The following BMPR2 variants were observed in gnomAD, a reference collection of about 807,000 sequenced individuals.
BMPR2 encodes bone morphogenetic protein receptor type-2.
Under a neutral mutation model 100.8 loss-of-function variants are expected in BMPR2, and 29 were observed. The ratio of observed to expected loss-of-function variants is 0.29; its 90% CI spans 0.21 to 0.39. The LOEUF is 0.39. Among genes scored for constraint, BMPR2 ranks in the 10% least tolerant of loss-of-function variants. The pLI, the probability that BMPR2 is intolerant of heterozygous loss-of-function variation, is 1.00. For synonymous variants in BMPR2, 382 were observed against 442.3 expected, an observed-to-expected ratio of 0.86 and a Z score of 1.71; for missense variants, 1,011 against 1,274.5, an observed-to-expected ratio of 0.79 and a Z score of 3.15.
chr2:202,514,837 T>C (rs1687684335), intron 4 of BMPR2, 51 bp from the exon 5 acceptor site: 2 of 1,390,608 alleles, frequency 1.4e-6, no homozygotes, highest in South Asian at 2.3e-5. Context: ...TGTAAAAAGA[T>C]ATTCATTTTA....
intron 1 of BMPR2, among the ~76,000 whole-genome samples, chr2:202,437,819 A>G (rs1355596759): frequency 6.6e-6 from 1 of 150,724 alleles, no homozygotes; most frequent in African/African-American, 2.5e-5. Flanking sequence ...TTATTGCCCA[A>G]TAACATTCTA....
At chr2:202,447,950 A>G (rs1371793051) in intron 1 of BMPR2, among the ~76,000 whole-genome samples, 2 of 150,292 alleles carry the variant, frequency 1.3e-5, no homozygotes, top group East Asian at 3.9e-4. Flanking sequence ...CCATTGCAAC[A>G]TGGGTTGAAA....
chr2:202,449,886 G>A (rs1340997637), intron 1 of BMPR2, among the ~76,000 whole-genome samples: 4 of 152,002 alleles, frequency 2.6e-5, no homozygotes, highest in Admixed American at 6.6e-5. Context: ...TGGGTGGATT[G>A]CCTGAGGTCA....
chr2:202,528,595 G>A (rs543874921), intron 7 of BMPR2, among the ~76,000 whole-genome samples: 12 of 152,238 alleles, frequency 7.9e-5, no homozygotes, highest in Admixed American at 2.6e-4. Context: ...GAACATCATA[G>A]CTTAGCCTAA....
chr2:202,482,692 C>T (rs147932210), intron 3 of BMPR2, among the ~76,000 whole-genome samples: 1 of 152,240 alleles, frequency 6.6e-6, no homozygotes, highest in East Asian at 1.9e-4. Context: ...GCACCCGCCA[C>T]TATGTCCAGC....
At chr2:202,487,481 CA>C (rs1398095189) in intron 3 of BMPR2, among the ~76,000 whole-genome samples, 1 of 152,126 alleles carries the variant, frequency 6.6e-6, no homozygotes, top group East Asian at 1.9e-4. Flanking sequence ...ACTTGAATTA[CA>C]GTTAAAAAAT....
intron 1 of BMPR2, among the ~76,000 whole-genome samples, chr2:202,387,732 A>G (rs1690458720): frequency 6.6e-6 from 1 of 152,254 alleles, no homozygotes; most frequent in African/African-American, 2.4e-5. Context: ...CAGTTAGATT[A>G]GAAGAGTGAT....
chr2:202,467,471 TTTTC>T, intron 2 of BMPR2, 44 bp from the exon 3 acceptor site: 1 of 1,489,416 alleles, frequency 6.7e-7, no homozygotes, highest in Non-Finnish European at 9.4e-7. Context: ...TTTCTCTTAG[TTTTC>T]TTTATCATAT....
chr2:202,538,331 C>T (rs183754607), intron 9 of BMPR2, among the ~76,000 whole-genome samples: 13 of 151,986 alleles, frequency 8.6e-5, no homozygotes, highest in African/African-American at 2.9e-4. Context: ...TGGCAGTCAC[C>T]TGTAATTCTA....
At chr2:202,541,100 G>A (rs1559069895) in intron 9 of BMPR2, among the ~76,000 whole-genome samples, 1 of 152,148 alleles carries the variant, frequency 6.6e-6, no homozygotes, top group Non-Finnish European at 1.5e-5. Context: ...TGATAAAATA[G>A]TTAATAATAT....
In BMPR2 at chr2:202,567,185, TTAGGGTGTTGTAG is replaced by T. The variant is rs1559077914; in HGVS notation, c.*7243_*7255del. The stretch of plus-strand genomic sequence containing the variant: ...GGATAATTGTAAAATACACTAACTC[TTAGGGTGTTGTAG>T]TAGCTGAAACATGGAGATGCGTAGC... On this transcript the variant is annotated 3_prime_UTR_variant, in exon 13 of 13. Coordinates refer to ENST00000374580, the MANE Select transcript of BMPR2 (RefSeq NM_001204.7). 6.6e-6 allele frequency: 1 copy of T among 152,636 alleles called. No individual in the cohort carries two copies. Among genetic ancestry groups the T allele is most frequent in the African/African-American group, 2.4e-5 (1 of 41,462 alleles). 9.5% of individuals were successfully genotyped at this position (152,636 alleles called of 1,614,324 possible).
intron 1 of BMPR2, 89 bp from the exon 2 acceptor site, chr2:202,464,720 T>A: frequency 1.6e-6 from 2 of 1,243,118 alleles, no homozygotes. Flanking sequence ...GTAGGGAAAT[T>A]TATGAAGTCA....
chr2:202,404,549 A>G (rs759539218), intron 1 of BMPR2, among the ~76,000 whole-genome samples: 1 of 152,152 alleles, frequency 6.6e-6, no homozygotes, highest in Non-Finnish European at 1.5e-5. Flanking sequence ...TGCAGTAGCA[A>G]TGATCATAGT....
chr2:202,513,768 A>G lies in BMPR2; in HGVS notation c.468A>G (p.Ala156=). 1 of 1,613,530 alleles carries G rather than the reference A, an allele frequency of 6.2e-7. No homozygotes were observed. The highest frequency in any genetic ancestry group is 8.5e-7 in the Non-Finnish European group (1 of 1,179,712). Residue 156 remains alanine, a synonymous_variant, in exon 4 of 13, where the codon GCA becomes GCG. Coordinates refer to ENST00000374580, the MANE Select transcript of BMPR2 (RefSeq NM_001204.7). ...NRDETIIIAL[A]SVSVLAVLIV... is the part of the protein sequence containing the mutation. Reference sequence around the variant, plus strand: ...ATGAGACAATAATCATTGCTTTGGCATCAGTCTCTGTATTAGCTGTTTTGA... The same window carrying G: ...ATGAGACAATAATCATTGCTTTGGCGTCAGTCTCTGTATTAGCTGTTTTGA...
chr2:202,441,314 C>A (rs1691735043), intron 1 of BMPR2, among the ~76,000 whole-genome samples: 1 of 150,252 alleles, frequency 6.7e-6, no homozygotes, highest in African/African-American at 2.5e-5. Flanking sequence ...CTCTCTTCTA[C>A]TTTGAAGGGA....
At chr2:202,469,429 C>T (rs1408377172) in intron 3 of BMPR2, 1 of 226,414 alleles carries the variant, frequency 4.4e-6, no homozygotes, top group Non-Finnish European at 9.3e-6. Context: ...GAGAAAAATT[C>T]TTCACAGTAT....
chr2:202,554,425 A>G (rs923652843), intron 11 of BMPR2, among the ~76,000 whole-genome samples: 5 of 152,086 alleles, frequency 3.3e-5, no homozygotes, highest in African/African-American at 1.2e-4. Flanking sequence ...AATTTCCTCA[A>G]AATTATAATT....
At chr2:202,504,027 C>G (rs945788516) in intron 3 of BMPR2, among the ~76,000 whole-genome samples, 4 of 151,982 alleles carry the variant, frequency 2.6e-5, no homozygotes, top group Non-Finnish European at 4.4e-5. Context: ...ACCTTTGTGT[C>G]GACACTCTGT....
At chr2:202,525,967 G>A (rs1687904045) in intron 7 of BMPR2, among the ~76,000 whole-genome samples, 1 of 142,378 alleles carries the variant, frequency 7.0e-6, no homozygotes, top group South Asian at 2.3e-4. Flanking sequence ...CCGGGTTCAA[G>A]CAATTCTCCT....
Sources: gnomAD v4.1 joint callset for allele counts (sites outside exome capture counted in the v4.1 genomes callset) on GRCh38, gnomAD v4.1.1 for gene constraint, MANE v1.5 for transcripts, NCBI Gene and HGNC (gene_info 2026-07-23, HGNC 2026-07-21) for gene names.